FAM181A: variants seen among roughly 807,000 people sequenced by gnomAD.
FAM181A encodes the protein protein FAM181A.
FAM181A carries 7 observed loss-of-function variants against 16.3 expected under a neutral mutation model. The observed-to-expected ratio is 0.43, with a 90% CI of 0.24 to 0.81. The LOEUF is 0.81. Among genes scored for constraint, FAM181A ranks in the 30% least tolerant of loss-of-function variants. The pLI is 0.24. For missense variants in FAM181A, 349 were observed against 377.5 expected (o/e 0.92, Z 0.63); for synonymous variants, 183 against 164.9 (o/e 1.11, Z -0.84).
chr14:93,929,292 AG>A lies in FAM181A; in HGVS notation c.*131del, dbSNP rs1310141367. The A allele has an allele frequency of 2.3e-6, 3 of 1,283,596 alleles. No homozygotes were observed. Among genetic ancestry groups the A allele is most frequent in the African/African-American group, 3.0e-5 (2 of 67,572 alleles). The allele number at this position is 1,283,596 out of a possible 1,614,324, so 79.5% of individuals were successfully genotyped here. On this transcript the variant is annotated 3_prime_UTR_variant, in exon 2 of 2. Coordinates refer to ENST00000556222, the MANE Select transcript of FAM181A (RefSeq NM_001207073.2). ...TCCGTTTGTGTGCGCATGGGAGTGG[AG>A]GGCAGGATTGGGGCAGGGCTCCTCA...
At chr14:93,925,318 C>T (rs202036657), upstream of FAM181A, 5 of 1,613,622 alleles carry the variant, frequency 3.1e-6, no homozygotes, top group Non-Finnish European at 4.2e-6. Context: ...AATGATGCAG[C>T]CCCCACAAAT....
intron 1 of FAM181A, among the ~76,000 whole-genome samples, chr14:93,920,705 C>A (rs1257776444): frequency 6.6e-6 from 1 of 152,188 alleles, no homozygotes; most frequent in Non-Finnish European, 1.5e-5. Context: ...AGAGGATCTA[C>A]AAAATTCCCA....
intron 1 of FAM181A, chr14:93,922,331 TG>T (rs1274742707): frequency 6.6e-6 from 1 of 152,220 alleles, no homozygotes; most frequent in African/African-American, 2.4e-5. Context: ...TTAACTCCTG[TG>T]GGGACCAGGT....
Position 93,928,897 on chromosome 14 carries a change from G to C in FAM181A, c.612G>C (p.Leu204Phe). 3 of 1,614,172 alleles carry C rather than the reference G, an allele frequency of 1.9e-6. No homozygotes were observed. The highest frequency in any genetic ancestry group is 2.5e-6 in the Non-Finnish European group (3 of 1,180,012). ...KEPLKMPGVS[L>F]VGRVNAWSCC... ...CGCTCAAGATGCCTGGGGTCTCCTTGGTGGGCCGCGTCAATGCCTGGAGTT... is the reference window on the plus strand; with the variant it reads ...CGCTCAAGATGCCTGGGGTCTCCTTCGTGGGCCGCGTCAATGCCTGGAGTT... The change falls in exon 2 of 2, where the codon TTG (leucine) becomes TTC (phenylalanine). Residue 204 changes from leucine to phenylalanine, a missense_variant. Transcript: ENST00000556222.
At chr14:93,919,677 T>A (rs929226176) in intron 1 of FAM181A, among the ~76,000 whole-genome samples, 5 of 152,144 alleles carry the variant, frequency 3.3e-5, no homozygotes, top group African/African-American at 1.2e-4. Context: ...CCCAGGGAAG[T>A]CCCACGTGGG....
intron 1 of FAM181A, among the ~76,000 whole-genome samples, chr14:93,921,122 T>G (rs1007766375): frequency 2.6e-5 from 4 of 151,792 alleles, no homozygotes; most frequent in Non-Finnish European, 4.4e-5. Context: ...AGCACAGAGG[T>G]CAAGCATTGA....
At chr14:93,919,518 G>C (rs186143828) in intron 1 of FAM181A, among the ~76,000 whole-genome samples, 104 of 152,292 alleles carry the variant, frequency 6.8e-4, no homozygotes, top group Non-Finnish European at 1.1e-3. Flanking sequence ...AACATTATTA[G>C]CATTTAATAA....
At position 93,928,318 on chromosome 14, in the gene FAM181A, G is replaced by T. The variant is rs1266406946; in HGVS notation, c.33G>T (p.Leu11=). 2 of 1,613,800 alleles carry T rather than the reference G, an allele frequency of 1.2e-6. No individual in the cohort carries two copies. The highest frequency in any genetic ancestry group is 4.5e-5 in the East Asian group (2 of 44,874). Residue 11 remains leucine, a synonymous_variant, in exon 2 of 2, where the codon CTG becomes CTT. Coordinates refer to ENST00000556222, the MANE Select transcript of FAM181A (RefSeq NM_001207073.2). MASDSDVKML[L]NFVNLASSDI... is the part of the protein sequence containing the mutation. ...CCGACAGTGATGTGAAGATGCTGCT[G>T]AACTTCGTGAACCTGGCGTCCAGCG...
chr14:93,928,803 G>A lies in FAM181A; in HGVS notation c.518G>A (p.Gly173Asp), dbSNP rs569053329. The A allele has an allele frequency of 1.1e-4, 171 of 1,613,982 alleles. No homozygotes were observed. In the South Asian group the frequency reaches 1.7e-3, roughly 16 times the overall value. The change falls in exon 2 of 2, where the codon GGC becomes GAC. Residue 173 changes from glycine to aspartate, a missense_variant. Coordinates refer to ENST00000556222, the MANE Select transcript of FAM181A (RefSeq NM_001207073.2). ...TATGAGGGTAAGAAAAATTGCAAGG[G>A]CTTGGAGCCCCTGGGACCTGAGACT... ...PPYEGKKNCK[G>D]LEPLGPETTL...
upstream of FAM181A, among the ~76,000 whole-genome samples, chr14:93,922,585 G>C (rs1208707010): frequency 6.6e-6 from 1 of 152,174 alleles, no homozygotes; most frequent in Admixed American, 6.5e-5. Context: ...AGCTACTCAG[G>C]AGGCTGAGGC....
Position 93,929,275 on chromosome 14 carries a change from T to A in FAM181A, c.*111T>A, listed in dbSNP as rs1206984874. On this transcript the variant is annotated 3_prime_UTR_variant, in exon 2 of 2. Coordinates refer to ENST00000556222, the MANE Select transcript of FAM181A (RefSeq NM_001207073.2). Reference sequence around the variant, plus strand: ...GCCACAGTGTGGCCTCTTCCGTTTGTGTGCGCATGGGAGTGGAGGGCAGGA... The same window carrying A: ...GCCACAGTGTGGCCTCTTCCGTTTGAGTGCGCATGGGAGTGGAGGGCAGGA... The A allele has an allele frequency of 7.2e-7, 1 of 1,388,190 alleles. No individual in the cohort carries two copies. Among genetic ancestry groups the A allele is most frequent in the Admixed American group, 2.4e-5 (1 of 41,250 alleles). 86.0% of individuals were successfully genotyped at this position (1,388,190 alleles called of 1,614,324 possible). A position where few individuals can be genotyped will look rare whatever the true frequency, so the allele number is the denominator to read the frequency against.
At chr14:93,925,240 G>A, upstream of FAM181A, 1 of 1,605,762 alleles carries the variant, frequency 6.2e-7, no homozygotes, top group Non-Finnish European at 8.5e-7. Flanking sequence ...AAGGAAGCTG[G>A]GAGCTGAGCT....
Position 93,927,378 on chromosome 14 carries a change from G to A in FAM181A, c.-164G>A, listed in dbSNP as rs1421063924. 2.7e-5 allele frequency: 31 copies of A among 1,133,658 alleles called. No homozygotes were observed. Among genetic ancestry groups the A allele is most frequent in the Non-Finnish European group, 3.4e-5 (31 of 912,776 alleles). 70.2% of individuals were successfully genotyped at this position (1,133,658 alleles called of 1,614,324 possible). A position where few individuals can be genotyped will look rare whatever the true frequency, so the allele number is the denominator to read the frequency against. On this transcript the variant is annotated 5_prime_UTR_variant, in exon 1 of 2. Transcript: ENST00000556222. ...CTTCCAGCCGGACGGAGCTCGGCCG[G>A]CTGCGCCGGGGCCTGTCCCAGGTCT...
chr14:93,928,487 C>A lies in FAM181A; in HGVS notation c.202C>A (p.Leu68Met), dbSNP rs757932412. The change falls in exon 2 of 2, where the codon CTG (leucine) becomes ATG (methionine). Residue 68 changes from leucine to methionine, a missense_variant. Physicochemically the swap from Leu to Met is conservative, Grantham distance 15. Coordinates refer to ENST00000556222, the MANE Select transcript of FAM181A (RefSeq NM_001207073.2). Reference sequence around the variant, plus strand: ...TCCTGGCAGAGCTGCTGAGCCCTACCTGAAAAGGGGGTCTGAGGACCGGCC... The same window carrying A: ...TCCTGGCAGAGCTGCTGAGCCCTACATGAAAAGGGGGTCTGAGGACCGGCC... Reference protein sequence around the residue: ...GLPGRAAEPYLKRGSEDRPRR... With the variant: ...GLPGRAAEPYMKRGSEDRPRR... 6.2e-7 allele frequency: 1 copy of A among 1,610,316 alleles called. No individual in the cohort carries two copies. The highest frequency in any genetic ancestry group is 2.2e-5 in the East Asian group (1 of 44,786).
rs1171579944 is a variant in FAM181A, at chr14:93,922,095, T to C, written c.-224-2953T>C. On this transcript the variant is annotated intron_variant, in intron 1 of 2. Coordinates refer to the FAM181A transcript ENST00000267594. ...CCTGGCTTTGCCTTGGATGAATCTCTTCCCCTCTCTGGGCCTCTCTGTCTT... is the reference window on the plus strand; with the variant it reads ...CCTGGCTTTGCCTTGGATGAATCTCCTCCCCTCTCTGGGCCTCTCTGTCTT... 2.6e-5 allele frequency: 4 copies of C among 152,354 alleles called. No homozygotes were observed. The East Asian group carries it at 7.7e-4, about 29-fold the overall frequency. 9.4% of individuals were successfully genotyped at this position (152,354 alleles called of 1,614,324 possible). A position where few individuals can be genotyped will look rare whatever the true frequency, so the allele number is the denominator to read the frequency against.
In FAM181A at chr14:93,928,370, G is replaced by T. The variant is rs761080089; in HGVS notation, c.85G>T (p.Ala29Ser). Residue 29 changes from alanine to serine, a missense_variant, in exon 2 of 2, where the codon GCA becomes TCA. Transcript: ENST00000556222. Reference protein sequence around the residue: ...SDIKAALDKSAPCRRSVDHRK... With the variant: ...SDIKAALDKSSPCRRSVDHRK... Reference sequence around the variant, plus strand: ...CATCAAGGCAGCCCTGGATAAGTCCGCACCCTGCCGCCGCTCCGTGGACCA... The same window carrying T: ...CATCAAGGCAGCCCTGGATAAGTCCTCACCCTGCCGCCGCTCCGTGGACCA... The T allele has an allele frequency of 1.9e-6, 3 of 1,613,756 alleles. No individual in the cohort carries two copies. The highest frequency in any genetic ancestry group is 3.3e-5 in the Admixed American group (2 of 60,032).
At chr14:93,924,936 A>G (rs1429731315), upstream of FAM181A, 1 of 328,942 alleles carries the variant, frequency 3.0e-6, no homozygotes, top group Non-Finnish European at 5.6e-6. Context: ...TGGTTGTGGA[A>G]TACGGCTCTT....
At chr14:93,925,516 T>TGGAGCAGAAAGGATGTTTC, upstream of FAM181A, 2 of 663,056 alleles carry the variant, frequency 3.0e-6, no homozygotes, top group Non-Finnish European at 5.0e-6. Context: ...CCAGATGTTT[T>TGGAGCAGAAAGGATGTTTC]GGAGCAGAAA....
chr14:93,927,104 A>AG (rs1269699338), upstream of FAM181A: 2 of 191,048 alleles, frequency 1.0e-5, no homozygotes, highest in African/African-American at 2.4e-5. Context: ...CAAGGGGAGG[A>AG]GGGGGGTGGA....
Sources: allele counts gnomAD v4.1 joint callset (sites outside exome capture counted in the v4.1 genomes callset), GRCh38; gene constraint gnomAD v4.1.1; transcripts MANE v1.5; gene names NCBI Gene and HGNC (gene_info 2026-07-23, HGNC 2026-07-21).